Variants in LTBP1 observed in about 807,000 individuals in gnomAD.
LTBP1 encodes the protein latent-transforming growth factor beta-binding protein 1.
LTBP1 carries 129 observed loss-of-function variants against 207.6 expected under a neutral mutation model. The ratio of observed to expected loss-of-function variants is 0.62; its 90% CI spans 0.54 to 0.72. The LOEUF is 0.72. Among genes scored for constraint, LTBP1 ranks in the 30% least tolerant of loss-of-function variants. The pLI, the probability that LTBP1 is intolerant of heterozygous loss-of-function variation, is 0.00. For synonymous variants in LTBP1, 963 were observed against 833.7 expected, an observed-to-expected ratio of 1.16 and a Z score of -2.67; for missense variants, 2,281 against 2,217.2, an observed-to-expected ratio of 1.03 and a Z score of -0.58.
chr2:33,019,850 G>A (rs1461039320), intron 2 of LTBP1, among the ~76,000 whole-genome samples: 3 of 151,490 alleles, frequency 2.0e-5, no homozygotes, highest in Non-Finnish European at 2.9e-5. Flanking sequence ...CTACAGGTGC[G>A]TGCCACCATG....
intron 2 of LTBP1, among the ~76,000 whole-genome samples, chr2:32,954,428 TA>T (rs1164808414): frequency 1.6e-4 from 25 of 152,316 alleles, no homozygotes; most frequent in African/African-American, 5.3e-4. Flanking sequence ...CCTTGGCCTG[TA>T]GATGGCCGTC....
At chr2:32,967,870 A>G (rs751576068) in intron 2 of LTBP1, among the ~76,000 whole-genome samples, 18 of 152,108 alleles carry the variant, frequency 1.2e-4, no homozygotes, top group Admixed American at 4.6e-4. Context: ...TTATGTCCTT[A>G]CTGATTTTCT....
intron 28 of LTBP1, among the ~76,000 whole-genome samples, chr2:33,362,893 A>G (rs1207549260): frequency 6.6e-6 from 1 of 152,190 alleles, no homozygotes; most frequent in South Asian, 2.1e-4. Context: ...AGCAAAAGCT[A>G]TTAATTCTGT....
intron 7 of LTBP1, among the ~76,000 whole-genome samples, chr2:33,201,277 C>T (rs2089226025): frequency 6.6e-6 from 1 of 152,112 alleles, no homozygotes; most frequent in South Asian, 2.1e-4. Context: ...CACATATACA[C>T]CATGGAATAC....
intron 24 of LTBP1, among the ~76,000 whole-genome samples, chr2:33,323,745 CTG>C (rs1474765084): frequency 6.6e-6 from 1 of 152,206 alleles, no homozygotes; most frequent in East Asian, 1.9e-4. Flanking sequence ...AAGGGACAGT[CTG>C]TAGCTCATCC....
chr2:33,096,460 G>A (rs1387593535), intron 3 of LTBP1, among the ~76,000 whole-genome samples: 1 of 152,154 alleles, frequency 6.6e-6, no homozygotes, highest in Admixed American at 6.5e-5. Context: ...AAACATAGAT[G>A]TAATATATGT....
chr2:33,286,064 C>T (rs1208313622), intron 19 of LTBP1, among the ~76,000 whole-genome samples: 1 of 152,154 alleles, frequency 6.6e-6, no homozygotes, highest in African/African-American at 2.4e-5. Context: ...GAATATGCCA[C>T]CTATTGGATA....
Position 33,360,730 on chromosome 2 carries a change from G to C in LTBP1, c.4134G>C (p.Val1378=). The C allele has an allele frequency of 6.2e-7, 1 of 1,613,962 alleles. No homozygotes were observed. Among genetic ancestry groups the C allele is most frequent in the Non-Finnish European group, 8.5e-7 (1 of 1,179,860 alleles). ...TKQECCCTSG[V]GWGDNCEIFP... Reference sequence around the variant, plus strand: ...AAGAATGCTGCTGTACATCAGGCGTGGGATGGGGAGATAACTGCGAAATCT... The same window carrying C: ...AAGAATGCTGCTGTACATCAGGCGTCGGATGGGGAGATAACTGCGAAATCT... Residue 1378 remains valine (V), a synonymous_variant, in exon 27 of 34, where the codon GTG becomes GTC. Transcript: ENST00000404816.
intron 3 of LTBP1, among the ~76,000 whole-genome samples, chr2:33,033,614 C>CTTTT (rs36113954): frequency 7.7e-4 from 107 of 138,172 alleles, no homozygotes; most frequent in Middle Eastern, 3.8e-3. Flanking sequence ...AAAAAAGGGA[C>CTTTT]TTTTTTTTTT....
intron 5 of LTBP1, among the ~76,000 whole-genome samples, chr2:33,156,012 A>G (rs2147962857): frequency 6.6e-6 from 1 of 152,306 alleles, no homozygotes; most frequent in East Asian, 1.9e-4. Context: ...ATTGGAGAGG[A>G]TCAGAAATCT....
rs527460354 is a variant in LTBP1, at chr2:33,130,404, C to G, written c.1034-4389C>G. ...GAATGCTGAGGAGACTGTATTTGTTCATGACATCTGATGTGAGTCTTGAAC... is the reference window on the plus strand; with the variant it reads ...GAATGCTGAGGAGACTGTATTTGTTGATGACATCTGATGTGAGTCTTGAAC... On this transcript the variant is annotated intron_variant, in intron 4 of 33. Coordinates refer to ENST00000404816, the MANE Select transcript of LTBP1 (RefSeq NM_206943.4). Among the ~76,000 whole-genome samples, 4 of 152,312 alleles carry G rather than the reference C, an allele frequency of 2.6e-5. No homozygotes were observed. The South Asian group carries it at 8.3e-4, about 32-fold the overall frequency.
intron 15 of LTBP1, among the ~76,000 whole-genome samples, chr2:33,272,393 C>T (rs1281000300): frequency 2.0e-5 from 3 of 152,148 alleles, no homozygotes; most frequent in African/African-American, 4.8e-5. Flanking sequence ...CTTGGAGGGT[C>T]GCTTGGCCTC....
At chr2:33,266,271 A>C (rs1297331081) in intron 15 of LTBP1, among the ~76,000 whole-genome samples, 2 of 152,212 alleles carry the variant, frequency 1.3e-5, no homozygotes, top group Non-Finnish European at 2.9e-5. Flanking sequence ...CCCTCTGGAC[A>C]TTGGGCACCA....
At chr2:33,120,565 A>G (rs1486339630) in intron 4 of LTBP1, among the ~76,000 whole-genome samples, 1 of 152,172 alleles carries the variant, frequency 6.6e-6, no homozygotes, top group African/African-American at 2.4e-5. Context: ...TATATGTACC[A>G]TATTTTCTTT....
At chr2:32,977,418 T>C (rs1229530399) in intron 2 of LTBP1, among the ~76,000 whole-genome samples, 1 of 152,134 alleles carries the variant, frequency 6.6e-6, no homozygotes, top group Non-Finnish European at 1.5e-5. Context: ...GGCGGGAAGT[T>C]GGCACTGAGC....
intron 22 of LTBP1, among the ~76,000 whole-genome samples, chr2:33,307,091 C>G (rs577808761): frequency 2.4e-4 from 37 of 151,966 alleles, no homozygotes; most frequent in Non-Finnish European, 5.0e-4. Context: ...ATCTCAAAAA[C>G]AAAACAAAAC....
At chr2:33,278,068 G>A (rs1277504162) in intron 18 of LTBP1, among the ~76,000 whole-genome samples, 5 of 151,492 alleles carry the variant, frequency 3.3e-5, no homozygotes, top group East Asian at 3.9e-4. Context: ...TCCTGACCTC[G>A]TGATCTGCCA....
intron 7 of LTBP1, among the ~76,000 whole-genome samples, chr2:33,201,235 C>T (rs2089217939): frequency 6.6e-6 from 1 of 152,032 alleles, no homozygotes; most frequent in Non-Finnish European, 1.5e-5. Context: ...CCCAAATGGC[C>T]AACAATGATA....
intron 5 of LTBP1, among the ~76,000 whole-genome samples, chr2:33,174,123 C>A (rs1162423926): frequency 1.4e-5 from 2 of 147,702 alleles, no homozygotes; most frequent in East Asian, 3.9e-4. Flanking sequence ...TCTCACCACT[C>A]CTATTCAACA....
Sources: gnomAD v4.1 joint callset for allele counts (sites outside exome capture counted in the v4.1 genomes callset) on GRCh38, gnomAD v4.1.1 for gene constraint, MANE v1.5 for transcripts, NCBI Gene and HGNC (gene_info 2026-07-23, HGNC 2026-07-21) for gene names.